The following CASD1 variants were observed in gnomAD, a reference collection of about 807,000 sequenced individuals.
The protein encoded by CASD1 is N-acetylneuraminate (7)9-O-acetyltransferase.
CASD1 carries 41 observed loss-of-function variants against 100.0 expected under a neutral mutation model. The ratio of observed to expected loss-of-function variants is 0.41; its 90% CI spans 0.32 to 0.53. The LOEUF (loss-of-function observed/expected upper bound fraction) is 0.53, where lower values mean the gene tolerates loss of function less well. Among genes scored for constraint, CASD1 ranks in the 20% least tolerant of loss-of-function variants. CASD1 has a pLI of 0.25. For synonymous variants in CASD1, 321 were observed against 315.6 expected, an observed-to-expected ratio of 1.02 and a Z score of -0.18; for missense variants, 774 against 948.7, an observed-to-expected ratio of 0.82 and a Z score of 2.42.
intron 10 of CASD1, among the ~76,000 whole-genome samples, chr7:94,542,601 C>T (rs2116367552): frequency 6.6e-6 from 1 of 152,214 alleles, no homozygotes; most frequent in African/African-American, 2.4e-5. Flanking sequence ...CTCTAGAGGG[C>T]TGAACTTGGT....
chr7:94,543,523 C>T (rs189446415), intron 10 of CASD1, among the ~76,000 whole-genome samples: 9 of 152,026 alleles, frequency 5.9e-5, no homozygotes, highest in Non-Finnish European at 1.3e-4. Flanking sequence ...GATGTGGTGG[C>T]GGGTGCCTTT....
chr7:94,583,285 A>G, the CASD1 span, among the ~76,000 whole-genome samples: 6 of 151,920 alleles, frequency 3.9e-5, no homozygotes, highest in Admixed American at 2.0e-4. Context: ...GGGGCTTTCA[A>G]TTTCATTACT....
chr7:94,534,505 C>T (rs574297950), intron 7 of CASD1, among the ~76,000 whole-genome samples: 5 of 152,174 alleles, frequency 3.3e-5, no homozygotes, highest in Admixed American at 6.5e-5. Context: ...AAATAAAATA[C>T]ACTTTTGAAT....
chr7:94,629,548 T>A, the CASD1 span: 1 of 639,464 alleles, frequency 1.6e-6, no homozygotes, highest in Non-Finnish European at 2.7e-6. Context: ...ATTATTTTTG[T>A]CTGTAATTAA....
At position 94,518,338 on chromosome 7, in the gene CASD1, T is replaced by C; in HGVS notation, c.351+15T>C. On this transcript the variant is annotated intron_variant, in intron 3 of 17. Coordinates refer to ENST00000297273, the MANE Select transcript of CASD1 (RefSeq NM_022900.5). ...AAGGAAATAAGGTAAAACTTGTCTATTCCCTTCTGTAGAGTGTTTTAGAAG... is the reference window on the plus strand; with the variant it reads ...AAGGAAATAAGGTAAAACTTGTCTACTCCCTTCTGTAGAGTGTTTTAGAAG... 2 of 1,559,858 alleles carry C rather than the reference T, an allele frequency of 1.3e-6. No individual in the cohort carries two copies. Among genetic ancestry groups the C allele is most frequent in the Non-Finnish European group, 8.7e-7 (1 of 1,149,314 alleles).
At chr7:94,587,971 T>A in the CASD1 span, 2 of 1,419,654 alleles carry the variant, frequency 1.4e-6, no homozygotes, top group South Asian at 3.3e-5. Context: ...CTTACATTTT[T>A]AAAACTTCTC....
chr7:94,590,919 T>C, the CASD1 span: 2 of 152,224 alleles, frequency 1.3e-5, no homozygotes, highest in African/African-American at 4.8e-5. Flanking sequence ...GTTTAAACTC[T>C]TAATCTATAG....
chr7:94,579,098 CTA>C, the CASD1 span, among the ~76,000 whole-genome samples: 3 of 151,690 alleles, frequency 2.0e-5, no homozygotes, highest in African/African-American at 7.3e-5. Flanking sequence ...CCATAATACA[CTA>C]TGTTTTATTC....
intron 10 of CASD1, among the ~76,000 whole-genome samples, chr7:94,543,347 A>G (rs572871934): frequency 3.9e-5 from 6 of 152,280 alleles, no homozygotes; most frequent in African/African-American, 1.2e-4. Flanking sequence ...CCCAGCCTCA[A>G]AGATCACTTT....
At chr7:94,623,823 G>GTT in the CASD1 span, 3 of 364,316 alleles carry the variant, frequency 8.2e-6, no homozygotes, top group African/African-American at 6.3e-5. Flanking sequence ...ATATCTTTGT[G>GTT]TTTTTTTGCA....
At chr7:94,623,381 C>T in the CASD1 span, 1 of 1,602,702 alleles carries the variant, frequency 6.2e-7, no homozygotes, top group Non-Finnish European at 8.5e-7. Context: ...AAAGGTGCGC[C>T]TGTTGTAGGC....
the CASD1 span, among the ~76,000 whole-genome samples, chr7:94,575,989 A>G: frequency 3.3e-5 from 5 of 151,586 alleles, no homozygotes; most frequent in South Asian, 4.2e-4. Flanking sequence ...CTTGGAGGTC[A>G]TTGAGCTCTT....
chr7:94,572,033 A>C, the CASD1 span, among the ~76,000 whole-genome samples: 2 of 152,156 alleles, frequency 1.3e-5, no homozygotes, highest in Non-Finnish European at 2.9e-5. Context: ...TCTCAAAAAC[A>C]TCTGGGATTG....
the CASD1 span, among the ~76,000 whole-genome samples, chr7:94,570,701 G>C: frequency 6.6e-6 from 1 of 152,030 alleles, no homozygotes; most frequent in Non-Finnish European, 1.5e-5. Context: ...CACCATGTTG[G>C]CCAGGCTGAT....
chr7:94,517,809 C>T (rs1251183486), intron 2 of CASD1, among the ~76,000 whole-genome samples, 153 bp downstream of exon 2: 1 of 152,114 alleles, frequency 6.6e-6, no homozygotes, highest in Non-Finnish European at 1.5e-5. Flanking sequence ...TTTCCCTGCC[C>T]ACTAAGGTTT....
chr7:94,545,330 G>A (rs1326315371), intron 11 of CASD1, among the ~76,000 whole-genome samples: 1 of 151,990 alleles, frequency 6.6e-6, no homozygotes, highest in Admixed American at 6.6e-5. Flanking sequence ...CTGGGATTTA[G>A]TTAATATGAT....
intron 1 of CASD1, among the ~76,000 whole-genome samples, chr7:94,516,253 C>T (rs572933309): frequency 1.3e-5 from 2 of 152,036 alleles, no homozygotes; most frequent in Non-Finnish European, 2.9e-5. Context: ...GATAATGCAA[C>T]ATTTTAACTT....
At chr7:94,576,721 A>G in the CASD1 span, among the ~76,000 whole-genome samples, 1 of 152,224 alleles carries the variant, frequency 6.6e-6, no homozygotes, top group Non-Finnish European at 1.5e-5. Flanking sequence ...ACAATTAAGG[A>G]CATCCCTATG....
At chr7:94,555,467 C>A (rs1405621519) in intron 17 of CASD1, 25 bp from the exon 18 acceptor site, 34 of 1,602,900 alleles carry the variant, frequency 2.1e-5, no homozygotes, top group Non-Finnish European at 2.6e-5. Flanking sequence ...CTATAAATAT[C>A]TGACTTAAAT....
Sources: allele counts gnomAD v4.1 joint callset (sites outside exome capture counted in the v4.1 genomes callset), GRCh38; gene constraint gnomAD v4.1.1; transcripts MANE v1.5; gene names NCBI Gene and HGNC (gene_info 2026-07-23, HGNC 2026-07-21).